The following FILIP1 variants were observed in gnomAD, a reference collection of about 807,000 sequenced individuals.
FILIP1 encodes filamin-A-interacting protein 1.
Under a neutral mutation model 102.1 loss-of-function variants are expected in FILIP1, and 61 were observed. That is an observed-to-expected ratio of 0.60 (90% CI 0.49 to 0.74). The LOEUF (loss-of-function observed/expected upper bound fraction) is 0.74, where lower values mean the gene tolerates loss of function less well. FILIP1 is among the 30% of genes least tolerant of loss of function. FILIP1 has a pLI of 0.00. For missense variants in FILIP1, 1,314 were observed against 1,441.2 expected, an observed-to-expected ratio of 0.91 and a Z score of 1.43; for synonymous variants, 491 against 526.9, an observed-to-expected ratio of 0.93 and a Z score of 0.93.
At chr6:75,351,650 C>G (rs1422021099) in intron 4 of FILIP1, among the ~76,000 whole-genome samples, 2 of 152,122 alleles carry the variant, frequency 1.3e-5, no homozygotes, top group Non-Finnish European at 2.9e-5. Context: ...GTTTTGTAGC[C>G]TAAGAGTAAC....
chr6:75,419,665 C>T (rs890584498), intron 1 of FILIP1, among the ~76,000 whole-genome samples: 3 of 152,042 alleles, frequency 2.0e-5, no homozygotes, highest in African/African-American at 4.8e-5. Flanking sequence ...ACCCAAGGCA[C>T]CCAAAACTCA....
intron 4 of FILIP1, chr6:75,334,783 A>G (rs1774186369): frequency 6.6e-6 from 1 of 152,190 alleles, no homozygotes; most frequent in South Asian, 2.1e-4. Flanking sequence ...CCCTGTCATC[A>G]GAACAATGAA....
intron 4 of FILIP1, among the ~76,000 whole-genome samples, chr6:75,340,457 T>C (rs1369483545): frequency 6.6e-6 from 1 of 152,188 alleles, no homozygotes; most frequent in Non-Finnish European, 1.5e-5. Flanking sequence ...TGGTCATTAC[T>C]AAGGGACCCA....
intron 2 of FILIP1, among the ~76,000 whole-genome samples, chr6:75,373,663 G>T (rs974013492): frequency 1.3e-5 from 2 of 150,938 alleles, no homozygotes; most frequent in African/African-American, 2.5e-5. Flanking sequence ...ACTAAGAAAA[G>T]AAAATTAAAA....
downstream of FILIP1, among the ~76,000 whole-genome samples, chr6:75,304,418 G>GT (rs1423901173): frequency 6.6e-6 from 1 of 152,072 alleles, no homozygotes; most frequent in Admixed American, 6.6e-5. Flanking sequence ...GTTTTGCCAT[G>GT]TCATCCAGGC....
chr6:75,369,726 C>T (rs1775453340), intron 2 of FILIP1, among the ~76,000 whole-genome samples: 2 of 152,178 alleles, frequency 1.3e-5, no homozygotes, highest in Non-Finnish European at 2.9e-5. Flanking sequence ...TCTTTTAGCA[C>T]TAAGATTACT....
intron 2 of FILIP1, among the ~76,000 whole-genome samples, chr6:75,387,637 A>G (rs1169570001): frequency 6.6e-6 from 1 of 152,218 alleles, no homozygotes; most frequent in East Asian, 1.9e-4. Context: ...TCCTCTAATG[A>G]CCAGTGATGA....
At chr6:75,486,911 T>C (rs1562669240) in intron 1 of FILIP1, among the ~76,000 whole-genome samples, 1 of 152,056 alleles carries the variant, frequency 6.6e-6, no homozygotes, top group Non-Finnish European at 1.5e-5. Flanking sequence ...TTATTATTAC[T>C]TATGGAATGA....
intron 2 of FILIP1, among the ~76,000 whole-genome samples, chr6:75,396,482 T>C (rs1776464340): frequency 1.3e-5 from 2 of 152,110 alleles, no homozygotes; most frequent in African/African-American, 4.8e-5. Flanking sequence ...CTTACTCTTT[T>C]ACATTCTCTC....
intron 1 of FILIP1, among the ~76,000 whole-genome samples, chr6:75,416,941 CA>C (rs1562570588): frequency 5.3e-5 from 8 of 152,072 alleles, no homozygotes. Context: ...TATCTGCAAA[CA>C]TACAGAAAAT....
intron 2 of FILIP1, among the ~76,000 whole-genome samples, chr6:75,403,572 T>C (rs2149674573): frequency 6.7e-6 from 1 of 149,990 alleles, no homozygotes; most frequent in South Asian, 2.1e-4. Flanking sequence ...GAGGAAAGTA[T>C]GGGATAGGAC....
chr6:75,353,122 GT>G (rs918516999), intron 4 of FILIP1, among the ~76,000 whole-genome samples: 2 of 151,544 alleles, frequency 1.3e-5, no homozygotes, highest in African/African-American at 4.8e-5. Flanking sequence ...GAGTTAACGG[GT>G]GCAGCACACC....
rs936703971 is a variant in FILIP1, at chr6:75,315,707, T to C, written c.630-505A>G. Among the ~76,000 whole-genome samples the C allele has an allele frequency of 3.3e-5, 5 of 152,258 alleles. 1 individual carries two copies. In the South Asian group the frequency reaches 8.3e-4, roughly 25 times the overall value. On this transcript the variant is annotated intron_variant, in intron 4 of 5. Transcript: ENST00000237172. ...AAAAACATGAGATACAGGGGAATTA[T>C]GTAGCCTGCTACAGATCCCAGAGTC...
intron 1 of FILIP1, among the ~76,000 whole-genome samples, chr6:75,460,806 A>C (rs1779000018): frequency 6.6e-6 from 1 of 152,204 alleles, no homozygotes; most frequent in South Asian, 2.1e-4. Flanking sequence ...TGAGTGTTAC[A>C]AAAAAATGTG....
chr6:75,340,929 C>G (rs905219518), intron 4 of FILIP1, among the ~76,000 whole-genome samples: 5 of 140,596 alleles, frequency 3.6e-5, no homozygotes, highest in Non-Finnish European at 7.5e-5. Flanking sequence ...ATCTCGAACT[C>G]CTGACCTCAA....
intron 3 of FILIP1, among the ~76,000 whole-genome samples, chr6:75,359,098 C>G (rs1775097684): frequency 6.6e-6 from 1 of 152,110 alleles, no homozygotes; most frequent in South Asian, 2.1e-4. Context: ...CGAGGCCTCC[C>G]AGGTTCAAGT....
At chr6:75,392,733 G>A (rs896330898) in intron 2 of FILIP1, among the ~76,000 whole-genome samples, 1 of 152,116 alleles carries the variant, frequency 6.6e-6, no homozygotes, top group Non-Finnish European at 1.5e-5. Flanking sequence ...TGTGTTGTGG[G>A]AGGGACCCAG....
At chr6:75,363,136 G>T in intron 2 of FILIP1, 1 of 448,170 alleles carries the variant, frequency 2.2e-6, no homozygotes, top group Non-Finnish European at 4.0e-6. Context: ...CAGAAAAAAG[G>T]ATTTGTGCTA....
chr6:75,385,841 ATTTT>A (rs10716918), intron 2 of FILIP1, among the ~76,000 whole-genome samples: 1 of 141,066 alleles, frequency 7.1e-6, no homozygotes, highest in Non-Finnish European at 1.6e-5. Context: ...GCCCCTTAGG[ATTTT>A]TTTTTTTTTT....
Sources: gnomAD v4.1 joint callset for allele counts (sites outside exome capture counted in the v4.1 genomes callset) on GRCh38, gnomAD v4.1.1 for gene constraint, MANE v1.5 for transcripts, NCBI Gene and HGNC (gene_info 2026-07-23, HGNC 2026-07-21) for gene names.